SLIT3: variants seen among roughly 807,000 people sequenced by gnomAD.
SLIT3 encodes slit guidance ligand 3, also known as slit homolog 3 protein.
A neutral mutation model predicts 184.0 loss-of-function variants in SLIT3; 68 were observed. The observed-to-expected ratio is 0.37, with a 90% CI of 0.30 to 0.45. The LOEUF (loss-of-function observed/expected upper bound fraction) is 0.45, where lower values mean the gene tolerates loss of function less well. SLIT3 is among the 20% of genes least tolerant of loss of function. The pLI is 1.00. For missense variants in SLIT3, 1,707 were observed against 2,026.0 expected (o/e 0.84, Z 3.02); for synonymous variants, 831 against 828.6 (o/e 1.00, Z -0.05).
chr5:168,882,727 A>C (rs1478689232), intron 5 of SLIT3, among the ~76,000 whole-genome samples: 1 of 152,154 alleles, frequency 6.6e-6, no homozygotes, highest in Non-Finnish European at 1.5e-5. Flanking sequence ...AAAAAATCCT[A>C]GGCCAGTGGA....
At chr5:168,825,259 C>T (rs1159119927) in intron 6 of SLIT3, among the ~76,000 whole-genome samples, 1 of 152,102 alleles carries the variant, frequency 6.6e-6, no homozygotes, top group East Asian at 1.9e-4. Context: ...GAGGTTTACT[C>T]AGCATACAGT....
rs557803603 is a variant in SLIT3 at position 168,798,842 on chromosome 5, T to C, written c.936-3264A>G. Among the ~76,000 whole-genome samples, 3 of 152,156 alleles carry C rather than the reference T, an allele frequency of 2.0e-5. No individual in the cohort carries two copies. In the South Asian group the frequency reaches 6.2e-4, roughly 32 times the overall value. ...TGTCTGACTTAATAGTCACATTCTA[T>C]GAGTCAGATCTTATTAGTTATTACC... On this transcript the variant is annotated intron_variant, in intron 9 of 35. Coordinates refer to ENST00000519560, the MANE Select transcript of SLIT3 (RefSeq NM_003062.4).
chr5:169,163,559 T>C (rs1174716209), intron 4 of SLIT3, among the ~76,000 whole-genome samples: 3 of 152,158 alleles, frequency 2.0e-5, no homozygotes, highest in Admixed American at 2.0e-4. Flanking sequence ...CTAGTGTCTC[T>C]CTAGAGGAAC....
At chr5:169,123,964 C>T (rs1283111769) in intron 4 of SLIT3, among the ~76,000 whole-genome samples, 1 of 152,178 alleles carries the variant, frequency 6.6e-6, no homozygotes, top group Non-Finnish European at 1.5e-5. Flanking sequence ...CGCCAGAGAG[C>T]CCTTCTCCAC....
intron 4 of SLIT3, among the ~76,000 whole-genome samples, chr5:168,970,566 A>C (rs557318449): frequency 6.6e-6 from 1 of 152,196 alleles, no homozygotes; most frequent in African/African-American, 2.4e-5. Flanking sequence ...ACAGTGTATG[A>C]CAGTTCCAAG....
At chr5:168,767,978 G>A (rs942483053) in intron 14 of SLIT3, among the ~76,000 whole-genome samples, 17 of 152,078 alleles carry the variant, frequency 1.1e-4, no homozygotes, top group African/African-American at 2.7e-4. Context: ...TTTCCCCAGG[G>A]TGCTTCTCCA....
intron 5 of SLIT3, among the ~76,000 whole-genome samples, chr5:168,859,233 G>T (rs1323007864): frequency 6.6e-6 from 1 of 152,126 alleles, no homozygotes; most frequent in Non-Finnish European, 1.5e-5. Flanking sequence ...AGAAGAGAGA[G>T]GCCCCAGAAT....
intron 23 of SLIT3, among the ~76,000 whole-genome samples, chr5:168,716,568 G>A (rs34297022): frequency 3.3e-5 from 5 of 152,388 alleles, no homozygotes; most frequent in East Asian, 3.9e-4. Flanking sequence ...ACCCACATAG[G>A]GTAGAAGCCT....
intron 31 of SLIT3, among the ~76,000 whole-genome samples, chr5:168,684,867 A>G (rs1385299496): frequency 1.3e-5 from 2 of 152,318 alleles, no homozygotes; most frequent in South Asian, 4.1e-4. Context: ...ATTAAAAAAA[A>G]AATTCCAGTG....
At chr5:169,117,962 C>T (rs1760745971) in intron 4 of SLIT3, among the ~76,000 whole-genome samples, 1 of 152,204 alleles carries the variant, frequency 6.6e-6, no homozygotes, top group Middle Eastern at 3.2e-3. Flanking sequence ...CACACTAGGA[C>T]AATGTTATGG....
chr5:168,727,083 G>T (rs1002711930), intron 20 of SLIT3, among the ~76,000 whole-genome samples: 1 of 151,866 alleles, frequency 6.6e-6, no homozygotes, highest in East Asian at 1.9e-4. Context: ...ACTTTGGAAG[G>T]CTGAGGCAAG....
intron 1 of SLIT3, among the ~76,000 whole-genome samples, chr5:169,282,550 G>A (rs1767027093): frequency 6.6e-6 from 1 of 152,162 alleles, no homozygotes; most frequent in African/African-American, 2.4e-5. Flanking sequence ...TTATTCCAGG[G>A]ATGTGAAAGT....
chr5:168,773,649 A>T (rs1755641854), intron 13 of SLIT3, among the ~76,000 whole-genome samples: 1 of 152,162 alleles, frequency 6.6e-6, no homozygotes, highest in South Asian at 2.1e-4. Context: ...AGCCATCAAA[A>T]AATGGGCTGA....
intron 4 of SLIT3, among the ~76,000 whole-genome samples, chr5:169,190,742 G>A (rs1448543355): frequency 6.6e-6 from 1 of 152,172 alleles, no homozygotes; most frequent in African/African-American, 2.4e-5. Context: ...CATGAAAAAT[G>A]CCTCACTGTG....
chr5:168,866,713 T>C (rs142709203), intron 5 of SLIT3, among the ~76,000 whole-genome samples: 195 of 152,332 alleles, frequency 1.3e-3, no homozygotes, highest in Non-Finnish European at 2.2e-3. Context: ...CTATGTGACC[T>C]TGGACAAACT....
At chr5:169,234,159 A>G (rs1765108821) in intron 3 of SLIT3, among the ~76,000 whole-genome samples, 1 of 152,184 alleles carries the variant, frequency 6.6e-6, no homozygotes. Flanking sequence ...TCACAGCCAA[A>G]TTCAGGTCAG....
At chr5:168,776,808 T>C (rs1246585857) in intron 12 of SLIT3, among the ~76,000 whole-genome samples, 1 of 152,150 alleles carries the variant, frequency 6.6e-6, no homozygotes, top group Non-Finnish European at 1.5e-5. Context: ...GGCTCAGGAA[T>C]GGACCCTTCA....
At chr5:169,044,340 T>C (rs1363038901) in intron 4 of SLIT3, among the ~76,000 whole-genome samples, 3 of 152,146 alleles carry the variant, frequency 2.0e-5, no homozygotes, top group African/African-American at 4.8e-5. Context: ...TTGCATATCA[T>C]TGTTCACAGC....
intron 5 of SLIT3, among the ~76,000 whole-genome samples, chr5:168,849,941 C>T (rs1758611201): frequency 6.6e-6 from 1 of 151,986 alleles, no homozygotes; most frequent in East Asian, 1.9e-4. Flanking sequence ...GTCCTTTAAG[C>T]AGAGAATAGG....
Sources: allele counts gnomAD v4.1 joint callset (sites outside exome capture counted in the v4.1 genomes callset), GRCh38; gene constraint gnomAD v4.1.1; transcripts MANE v1.5; gene names NCBI Gene and HGNC (gene_info 2026-07-23, HGNC 2026-07-21).